The following PTBP2 variants were observed in gnomAD, a reference collection of about 807,000 sequenced individuals.
The protein encoded by PTBP2 is polypyrimidine tract binding protein 2.
In PTBP2, 13 loss-of-function variants were observed where a neutral mutation model predicts 61.4. The observed-to-expected ratio is 0.21, with a 90% CI of 0.14 to 0.34. The LOEUF (loss-of-function observed/expected upper bound fraction) is 0.34. PTBP2 is among the 10% of genes least tolerant of loss of function. The pLI is 1.00. For synonymous variants in PTBP2, 215 were observed against 218.5 expected (o/e 0.98, Z 0.14); for missense variants, 405 against 642.6 (o/e 0.63, Z 4.00).
intron 8 of PTBP2, among the ~76,000 whole-genome samples, chr1:96,798,802 T>C (rs1660654968): frequency 6.6e-6 from 1 of 152,212 alleles, no homozygotes; most frequent in Non-Finnish European, 1.5e-5. Flanking sequence ...ATGCTAATAA[T>C]GGGGGAACTG....
chr1:96,761,591 G>A (rs926486511), intron 3 of PTBP2, among the ~76,000 whole-genome samples: 2 of 152,046 alleles, frequency 1.3e-5, no homozygotes, highest in Non-Finnish European at 2.9e-5. Flanking sequence ...AAGAAGACAA[G>A]TTTGGAATAA....
At chr1:96,761,609 G>C (rs1440718505) in intron 3 of PTBP2, among the ~76,000 whole-genome samples, 1 of 152,082 alleles carries the variant, frequency 6.6e-6, no homozygotes, top group East Asian at 1.9e-4. Context: ...TAATATTAAA[G>C]AGTTTTGTCT....
intron 3 of PTBP2, among the ~76,000 whole-genome samples, chr1:96,762,181 T>TC (rs1318676938): frequency 6.7e-6 from 1 of 150,240 alleles, no homozygotes. Context: ...TCCCCACCTT[T>TC]CCCCCCTTTC....
At chr1:96,811,248 C>T (rs1662054586) in intron 11 of PTBP2, among the ~76,000 whole-genome samples, 1 of 152,014 alleles carries the variant, frequency 6.6e-6, no homozygotes, top group South Asian at 2.1e-4. Flanking sequence ...GTTTATTATA[C>T]ATGTAAGTAT....
At chr1:96,770,674 A>G (rs1248886833) in intron 4 of PTBP2, 34 bp from the exon 5 acceptor site, 5 of 1,548,628 alleles carry the variant, frequency 3.2e-6, no homozygotes, top group South Asian at 2.3e-5. Context: ...ATTTGAATTT[A>G]TAGTATTAAA....
chr1:96,821,976 C>T (rs1380959659), exon 14 of PTBP2: 2 of 152,094 alleles, frequency 1.3e-5, no homozygotes, highest in African/African-American at 2.4e-5. Flanking sequence ...TTTTTTTCAA[C>T]AAGTGTTCAT....
At chr1:96,737,631 AAT>A (rs1215866089) in intron 2 of PTBP2, among the ~76,000 whole-genome samples, 1 of 152,222 alleles carries the variant, frequency 6.6e-6, no homozygotes, top group Admixed American at 6.5e-5. Context: ...AAAAACAAGT[AAT>A]GATGAGGAAA....
chr1:96,742,879 A>G (rs1653226462), intron 2 of PTBP2, among the ~76,000 whole-genome samples: 1 of 152,204 alleles, frequency 6.6e-6, no homozygotes, highest in African/African-American at 2.4e-5. Flanking sequence ...AAAGTTTAAA[A>G]TAATTTCTTA....
At chr1:96,790,600 A>G (rs184388850) in intron 8 of PTBP2, among the ~76,000 whole-genome samples, 4 of 152,308 alleles carry the variant, frequency 2.6e-5, no homozygotes, top group East Asian at 1.9e-4. Flanking sequence ...TTGTAATTCA[A>G]TTTGTGCAGG....
intron 5 of PTBP2, among the ~76,000 whole-genome samples, chr1:96,773,743 G>C (rs1179223880): frequency 6.6e-6 from 1 of 152,002 alleles, no homozygotes; most frequent in African/African-American, 2.4e-5. Context: ...TTGGGAGGCT[G>C]AGGTGGGCGG....
chr1:96,773,314 G>GA lies in PTBP2; in HGVS notation c.432+2470dup, dbSNP rs573782192. Among the ~76,000 whole-genome samples the GA allele has an allele frequency of 4.5e-3, 690 of 151,890 alleles. 22 individuals carry two copies. The highest frequency in any genetic ancestry group is 0.043 in the Admixed American group (655 of 15,254). ...TAATCAATGCAAAGTTCCTTCTGTT[G>GA]AAAAAAATGCTTTTATAATTTTATT... is the stretch of plus-strand genomic sequence containing the variant. On this transcript the variant is annotated intron_variant, in intron 5 of 13. Transcript: ENST00000674951.
chr1:96,766,445 C>T (rs1656710210), intron 3 of PTBP2, among the ~76,000 whole-genome samples: 1 of 152,138 alleles, frequency 6.6e-6, no homozygotes. Context: ...AGATCTCTTT[C>T]ATTCCCCCAG....
At chr1:96,722,941 T>G (rs931291393) in intron 1 of PTBP2, among the ~76,000 whole-genome samples, 2 of 152,186 alleles carry the variant, frequency 1.3e-5, no homozygotes, top group Admixed American at 1.3e-4. Flanking sequence ...CTTTTGGGAG[T>G]GTAAACATAG....
chr1:96,731,909 GA>G (rs1390201346), intron 2 of PTBP2, among the ~76,000 whole-genome samples: 1 of 152,128 alleles, frequency 6.6e-6, no homozygotes, highest in Non-Finnish European at 1.5e-5. Context: ...TATTACTTGG[GA>G]AGACAGAATT....
At chr1:96,795,092 G>A (rs1298406257) in intron 8 of PTBP2, among the ~76,000 whole-genome samples, 5 of 152,062 alleles carry the variant, frequency 3.3e-5, no homozygotes, top group East Asian at 1.9e-4. Flanking sequence ...TTATGAAAGC[G>A]GGGGATGAGT....
chr1:96,738,495 G>A (rs1652541521), intron 2 of PTBP2, among the ~76,000 whole-genome samples: 1 of 151,256 alleles, frequency 6.6e-6, no homozygotes, highest in Non-Finnish European at 1.5e-5. Context: ...GGATGGTCTA[G>A]ATCTCCTGAC....
intron 3 of PTBP2, among the ~76,000 whole-genome samples, chr1:96,765,127 T>G (rs1174927247): frequency 2.0e-5 from 3 of 152,146 alleles, no homozygotes; most frequent in Non-Finnish European, 4.4e-5. Flanking sequence ...TTAGAGTCTT[T>G]TTATTTTGTT....
chr1:96,818,185 AAGAC>A (rs1479836855), downstream of PTBP2: 1 of 152,098 alleles, frequency 6.6e-6, no homozygotes, highest in African/African-American at 2.4e-5. Context: ...AATGGACAGA[AAGAC>A]TATGTGGCAT....
intron 8 of PTBP2, among the ~76,000 whole-genome samples, chr1:96,796,799 A>ATTT (rs1660443028): frequency 6.6e-6 from 1 of 152,074 alleles, no homozygotes; most frequent in Non-Finnish European, 1.5e-5. Flanking sequence ...TCAAGGGAGA[A>ATTT]TAGAAAGGGG....
Sources: gnomAD v4.1 joint callset for allele counts (sites outside exome capture counted in the v4.1 genomes callset) on GRCh38, gnomAD v4.1.1 for gene constraint, MANE v1.5 for transcripts, NCBI Gene and HGNC (gene_info 2026-07-23, HGNC 2026-07-21) for gene names.